Variants in TMEM163 observed in about 807,000 individuals in gnomAD.
TMEM163 encodes the protein transmembrane protein 163.
In TMEM163, 17 loss-of-function variants were observed where a neutral mutation model predicts 29.3. The observed-to-expected ratio is 0.58, with a 90% confidence interval of 0.40 to 0.87. TMEM163 has a LOEUF of 0.87. Among genes scored for constraint, TMEM163 ranks in the 40% least tolerant of loss-of-function variants. TMEM163 has a pLI of 0.00. For synonymous variants in TMEM163, 157 were observed against 160.6 expected, an observed-to-expected ratio of 0.98 and a Z score of 0.17; for missense variants, 303 against 381.5, an observed-to-expected ratio of 0.79 and a Z score of 1.71.
chr2:134,657,932 C>CT (rs1683657928), intron 2 of TMEM163, among the ~76,000 whole-genome samples: 1 of 152,088 alleles, frequency 6.6e-6, no homozygotes, highest in South Asian at 2.1e-4. Flanking sequence ...GATGGGATCA[C>CT]TTGTATACTA....
chr2:134,622,096 A>C (rs1682752571), intron 2 of TMEM163, among the ~76,000 whole-genome samples: 1 of 152,190 alleles, frequency 6.6e-6, no homozygotes, highest in East Asian at 1.9e-4. Flanking sequence ...GATTTATATG[A>C]AATTTCCATA....
At chr2:134,503,067 C>T (rs756021404) in intron 4 of TMEM163, 70 bp from the exon 5 acceptor site, 180 of 1,423,930 alleles carry the variant, frequency 1.3e-4, no homozygotes, top group Non-Finnish European at 1.6e-4. Context: ...ACACAATTGA[C>T]AGTGACAAAG....
intron 5 of TMEM163, among the ~76,000 whole-genome samples, chr2:134,493,884 C>T (rs1679486471): frequency 6.6e-6 from 1 of 152,138 alleles, no homozygotes; most frequent in African/African-American, 2.4e-5. Flanking sequence ...TCCTTTCCCC[C>T]ATTGAATTAC....
chr2:134,698,584 T>G (rs1684629145), intron 2 of TMEM163, among the ~76,000 whole-genome samples: 2 of 152,142 alleles, frequency 1.3e-5, no homozygotes, highest in African/African-American at 4.8e-5. Context: ...AAGTTTTGTT[T>G]CCTTTCTTCT....
chr2:134,717,963 C>T (rs1685070406), intron 1 of TMEM163, among the ~76,000 whole-genome samples: 1 of 152,108 alleles, frequency 6.6e-6, no homozygotes, highest in South Asian at 2.1e-4. Context: ...AGAGTGTGGT[C>T]TCCCAGCAGA....
chr2:134,458,212 A>G (rs767187024), intron 6 of TMEM163, 39 bp from the exon 7 acceptor site: 19 of 1,609,968 alleles, frequency 1.2e-5, no homozygotes, highest in African/African-American at 6.7e-5. Context: ...GGCAGTGCCA[A>G]GCAATCCAAG....
chr2:134,663,986 C>G (rs1157294906), intron 2 of TMEM163, among the ~76,000 whole-genome samples: 1 of 152,242 alleles, frequency 6.6e-6, no homozygotes, highest in African/African-American at 2.4e-5. Context: ...ACAGGCTTGT[C>G]TAAAGGACCC....
intron 3 of TMEM163, among the ~76,000 whole-genome samples, chr2:134,551,606 C>G (rs934620439): frequency 6.6e-6 from 1 of 152,160 alleles, no homozygotes; most frequent in Non-Finnish European, 1.5e-5. Context: ...CCCACTTTCT[C>G]CAACTAGCTT....
chr2:134,503,341 A>G (rs1679743041), intron 4 of TMEM163, among the ~76,000 whole-genome samples: 1 of 152,232 alleles, frequency 6.6e-6, no homozygotes, highest in Non-Finnish European at 1.5e-5. Context: ...ACGGGAAGGC[A>G]CATGGTTTAA....
At chr2:134,713,444 G>A in intron 1 of TMEM163, 125 bp from the exon 2 acceptor site, 1 of 1,353,006 alleles carries the variant, frequency 7.4e-7, no homozygotes, top group Non-Finnish European at 1.0e-6. Flanking sequence ...GTTTTGTTTG[G>A]CCCACACTGT....
At position 134,460,427 on chromosome 2, in the gene TMEM163, C is replaced by T. The variant is rs181169339; in HGVS notation, c.668-2254G>A. Among the ~76,000 whole-genome samples, 24 of 152,256 alleles carry T rather than the reference C, an allele frequency of 1.6e-4. No individual in the cohort carries two copies. The highest frequency in any genetic ancestry group is 6.8e-3 in the Middle Eastern group (2 of 294). On this transcript the variant is annotated intron_variant, in intron 6 of 7. Coordinates refer to ENST00000281924, the MANE Select transcript of TMEM163 (RefSeq NM_030923.5). The surrounding 1 kb of genome is among the most constrained non-coding windows in gnomAD (Gnocchi z 4.3). ...AACAGGCGAGCTTTGCCATTTTAAC[C>T]GCCCCCCTCCTCTCACTGGAAACCT...
At chr2:134,709,727 A>T (rs1466738470) in intron 2 of TMEM163, among the ~76,000 whole-genome samples, 3 of 152,214 alleles carry the variant, frequency 2.0e-5, no homozygotes, top group Non-Finnish European at 2.9e-5. Context: ...TCCAGCCGTG[A>T]TGGGAAAGGG....
At chr2:134,585,537 T>C (rs1681795479) in intron 2 of TMEM163, among the ~76,000 whole-genome samples, 1 of 152,262 alleles carries the variant, frequency 6.6e-6, no homozygotes, top group South Asian at 2.1e-4. Flanking sequence ...GGTCAAGAGA[T>C]AGAGACCATC....
intron 4 of TMEM163, among the ~76,000 whole-genome samples, chr2:134,522,740 C>A (rs1021060757): frequency 6.6e-6 from 1 of 152,206 alleles, no homozygotes; most frequent in African/African-American, 2.4e-5. Context: ...CATGATTACT[C>A]CACTGGCATA....
intron 5 of TMEM163, among the ~76,000 whole-genome samples, chr2:134,478,291 G>C (rs1686965656): frequency 6.6e-6 from 1 of 152,224 alleles, no homozygotes; most frequent in Non-Finnish European, 1.5e-5. Context: ...AGCAGCTTTG[G>C]AATTGGGTAA....
Position 134,718,965 on chromosome 2 carries a change from G to C in TMEM163, c.-30C>G. The C allele has an allele frequency of 9.8e-7, 1 of 1,021,822 alleles. No homozygotes were observed. The highest frequency in any genetic ancestry group is 1.2e-6 in the Non-Finnish European group (1 of 855,346). The allele number at this position is 1,021,822 out of a possible 1,614,324, so 63.3% of individuals were successfully genotyped here. On this transcript the variant is annotated 5_prime_UTR_variant, in exon 1 of 8. Transcript: ENST00000281924. Reference sequence around the variant, plus strand: ...CGGGGCTGCGGATCCCGGCGGCGGCGACGACAAGCGCGGCGGGGACTCGAG... The same window carrying C: ...CGGGGCTGCGGATCCCGGCGGCGGCCACGACAAGCGCGGCGGGGACTCGAG...
chr2:134,545,612 T>A (rs1253978340), intron 4 of TMEM163, among the ~76,000 whole-genome samples: 2 of 152,130 alleles, frequency 1.3e-5, no homozygotes, highest in Non-Finnish European at 2.9e-5. Context: ...ACCTGCTTCA[T>A]GGCCTTCACC....
chr2:134,530,127 G>A (rs1030999900), intron 4 of TMEM163, among the ~76,000 whole-genome samples: 5 of 152,122 alleles, frequency 3.3e-5, no homozygotes, highest in Non-Finnish European at 7.4e-5. Context: ...GGAAGGGGAC[G>A]CATCTGCTCT....
chr2:134,666,913 C>T (rs1021846670), intron 2 of TMEM163, among the ~76,000 whole-genome samples: 2 of 152,174 alleles, frequency 1.3e-5, no homozygotes, highest in South Asian at 4.1e-4. Context: ...TCAGAGACAT[C>T]GTCCTGGGAG....
Sources: gnomAD v4.1 joint callset for allele counts (sites outside exome capture counted in the v4.1 genomes callset) on GRCh38, gnomAD v4.1.1 for gene constraint, Gnocchi (gnomAD v3.1) non-coding constraint, MANE v1.5 for transcripts, NCBI Gene and HGNC (gene_info 2026-07-23, HGNC 2026-07-21) for gene names.